Variants in ZNF335 observed in about 807,000 individuals in gnomAD.
The protein encoded by ZNF335 is NRC-interacting factor 1.
Under a neutral mutation model 145.6 loss-of-function variants are expected in ZNF335, and 84 were observed. The observed-to-expected ratio is 0.58, with a 90% confidence interval of 0.48 to 0.69. The LOEUF (loss-of-function observed/expected upper bound fraction) is 0.69, where lower values mean the gene tolerates loss of function less well. Ranked by LOEUF, ZNF335 falls within the 30% of genes least tolerant of loss-of-function variation. The pLI is 0.00. For missense variants in ZNF335, 1,865 were observed against 1,809.7 expected, an observed-to-expected ratio of 1.03 and a Z score of -0.55; for synonymous variants, 761 against 717.0, an observed-to-expected ratio of 1.06 and a Z score of -0.98.
intron 20 of ZNF335, among the ~76,000 whole-genome samples, chr20:45,951,253 G>A (rs958481785): frequency 4.6e-5 from 7 of 152,212 alleles, no homozygotes; most frequent in African/African-American, 7.2e-5. Context: ...TGTAGGGTGG[G>A]GCTCTAGGCC....
intron 15 of ZNF335, among the ~76,000 whole-genome samples, chr20:45,958,929 C>T (rs1268333061): frequency 1.3e-5 from 2 of 152,182 alleles, no homozygotes; most frequent in African/African-American, 2.4e-5. Flanking sequence ...ATAATCACCG[C>T]ACCAGCCCTA....
intron 17 of ZNF335, 30 bp from the exon 18 acceptor site, chr20:45,953,978 G>A (rs1205287596): frequency 1.3e-6 from 2 of 1,547,516 alleles, no homozygotes; most frequent in East Asian, 2.4e-5. Flanking sequence ...CGGGATGGGA[G>A]GCACTGGTGG....
chr20:45,954,823 A>G (rs987526401), intron 17 of ZNF335, among the ~76,000 whole-genome samples: 4 of 132,662 alleles, frequency 3.0e-5, no homozygotes, highest in African/African-American at 1.2e-4. Flanking sequence ...GCTGGAGTGC[A>G]GTGGTACGAT....
intron 15 of ZNF335, among the ~76,000 whole-genome samples, 177 bp from the exon 16 acceptor site, chr20:45,958,105 A>G (rs893601545): frequency 3.3e-5 from 5 of 151,638 alleles, no homozygotes; most frequent in Non-Finnish European, 5.9e-5. Flanking sequence ...CTGGAGTACA[A>G]TGGCTCAATC....
Position 45,960,401 on chromosome 20 carries a change from A to G in ZNF335, c.1860-33T>C, listed in dbSNP as rs765708664. 10 of 1,613,988 alleles carry G rather than the reference A, an allele frequency of 6.2e-6. No individual in the cohort carries two copies. The South Asian group carries it at 1.1e-4, about 18-fold the overall frequency. On this transcript the variant is annotated intron_variant, in intron 13 of 27. Transcript: ENST00000322927. ...CGGTTAGAGGGAGGGAAGCTCAGTA[A>G]TGAGCTGGGGACTGCTCCCGTCCCC...
intron 14 of ZNF335, among the ~76,000 whole-genome samples, chr20:45,959,949 C>G (rs2083803405): frequency 6.6e-6 from 1 of 152,200 alleles, no homozygotes; most frequent in African/African-American, 2.4e-5. Context: ...CTCTGATTCC[C>G]CCATTTCATA....
intron 4 of ZNF335, 90 bp downstream of exon 4, chr20:45,968,195 G>C: frequency 6.6e-7 from 1 of 1,523,266 alleles, no homozygotes; most frequent in South Asian, 1.2e-5. Flanking sequence ...TACCCAGCCA[G>C]GGCCACAGAC....
rs755620202 is a variant in ZNF335 at position 45,949,873 on chromosome 20, T to C, written c.3596A>G (p.Glu1199Gly). Residue 1199 changes from glutamate (E) to glycine (G), a missense_variant, in exon 24 of 28, where the codon GAA becomes GGA. Coordinates refer to ENST00000322927, the MANE Select transcript of ZNF335 (RefSeq NM_022095.4). The stretch of plus-strand genomic sequence containing the variant: ...GGTGATCTCTTGGATGTAGGCGGCT[T>C]CCTCCTGCCAGGACCAAGACAGCTC... ...AQEQTVTNQE[E>G]AAYIQEITTA... The C allele has an allele frequency of 6.2e-7, 1 of 1,614,080 alleles. No individual in the cohort carries two copies. Among genetic ancestry groups the C allele is most frequent in the Non-Finnish European group, 8.5e-7 (1 of 1,180,000 alleles).
rs1204162196 is a variant in ZNF335 at position 45,963,559 on chromosome 20, G to A, written c.1447C>T (p.His483Tyr). ...RFLSHEDLRF[H>Y]VNSHEAGDPQ... ...TCGCCAGCCTCATGGGAGTTGACGTGGAAGCGCAGGTCCTCGTGGGACAGA... is the reference window on the plus strand; with the variant it reads ...TCGCCAGCCTCATGGGAGTTGACGTAGAAGCGCAGGTCCTCGTGGGACAGA... The change falls in exon 9 of 28, where the codon CAC becomes TAC. Residue 483 changes from histidine (H) to tyrosine (Y), a missense_variant. Coordinates refer to ENST00000322927, the MANE Select transcript of ZNF335 (RefSeq NM_022095.4). The A allele has an allele frequency of 4.3e-6, 7 of 1,614,098 alleles. No homozygotes were observed. Among genetic ancestry groups the A allele is most frequent in the Non-Finnish European group, 5.9e-6 (7 of 1,180,046 alleles).
Position 45,965,631 on chromosome 20 carries a change from C to G in ZNF335, c.1099G>C (p.Asp367His). The change falls in exon 7 of 28, where the codon GAT becomes CAT. Residue 367 changes from aspartate (D) to histidine (H), a missense_variant. By Grantham distance (81) the Asp-to-His change is moderately conservative (BLOSUM62 -1). Transcript: ENST00000322927. The stretch of plus-strand genomic sequence containing the variant: ...CCCTCCCAAGACCAAGCCTCACCAT[C>G]TGGGAGGTCTGAGATCTCCAGGCGG... Reference protein sequence around the residue: ...LPRLEISDLPDGVEGEPLVSS... With the variant: ...LPRLEISDLPHGVEGEPLVSS... The G allele has an allele frequency of 6.3e-7, 1 of 1,596,752 alleles. No individual in the cohort carries two copies. Among genetic ancestry groups the G allele is most frequent in the East Asian group, 2.3e-5 (1 of 42,642 alleles).
intron 17 of ZNF335, among the ~76,000 whole-genome samples, chr20:45,955,350 CA>C (rs61555698): frequency 0.022 from 818 of 37,288 alleles, 27 homozygotes; most frequent in African/African-American, 0.088. Context: ...GACTCTGTCT[CA>C]AAAAAAAAAA....
Position 45,951,753 on chromosome 20 carries a change from C to G in ZNF335, c.3189+394G>C, listed in dbSNP as rs73911136. Reference sequence around the variant, plus strand: ...CCATGGATGACTACCAGTCTATGGCCCAGGGGTTGGGCACCCCTGTTCTAG... The same window carrying G: ...CCATGGATGACTACCAGTCTATGGCGCAGGGGTTGGGCACCCCTGTTCTAG... On this transcript the variant is annotated intron_variant, in intron 20 of 27. Coordinates refer to ENST00000322927, the MANE Select transcript of ZNF335 (RefSeq NM_022095.4). Among the ~76,000 whole-genome samples, 1,179 of 152,290 alleles carry G rather than the reference C, an allele frequency of 7.7e-3. 18 individuals are homozygous for G. Among genetic ancestry groups the G allele is most frequent in the African/African-American group, 0.026 (1,099 of 41,556 alleles).
rs1307759818 is a variant in ZNF335 at position 45,948,735 on chromosome 20, C to T, written c.*218G>A. ...CACCCAAACAAAAATAAATTTCTCTCCCAAAGCCTGCCTGCAGGCTGGGGC... is the reference window on the plus strand; with the variant it reads ...CACCCAAACAAAAATAAATTTCTCTTCCAAAGCCTGCCTGCAGGCTGGGGC... On this transcript the variant is annotated 3_prime_UTR_variant, in exon 28 of 28. Transcript: ENST00000322927. 1.3e-5 allele frequency: 8 copies of T among 629,588 alleles called. No homozygotes were observed. Among genetic ancestry groups the T allele is most frequent in the African/African-American group, 1.8e-5 (1 of 54,424 alleles). The allele number at this position is 629,588 out of a possible 1,614,324, so 39.0% of individuals were successfully genotyped here.
chr20:45,968,065 G>A, intron 4 of ZNF335, 38 bp from the exon 5 acceptor site: 16 of 1,610,988 alleles, frequency 9.9e-6, no homozygotes, highest in Non-Finnish European at 1.4e-5. Flanking sequence ...TGGTTAAATG[G>A]AGGGCAGCAC....
Position 45,960,883 on chromosome 20 carries a change from C to T in ZNF335, c.1647-1G>A. 3 of 1,613,744 alleles carry T rather than the reference C, an allele frequency of 1.9e-6. No individual in the cohort carries two copies. The highest frequency in any genetic ancestry group is 2.5e-6 in the Non-Finnish European group (3 of 1,179,884). On this transcript the variant is annotated splice_acceptor_variant, in intron 10 of 27. Coordinates refer to ENST00000322927, the MANE Select transcript of ZNF335 (RefSeq NM_022095.4). LOFTEE classifies it high-confidence loss of function. ...ACTCACCGGATCTGGCCTCTTCTTC[C>T]TGTGGGGAAAAGGCCGAGGAATTAG...
Position 45,957,594 on chromosome 20 carries a change from C to G in ZNF335, c.2434G>C (p.Ala812Pro), listed in dbSNP as rs370484213. Residue 812 changes from alanine (A) to proline (P), a missense_variant, in exon 17 of 28, where the codon GCC becomes CCC. Physicochemically the swap from Ala to Pro is conservative, Grantham distance 27. Coordinates refer to ENST00000322927, the MANE Select transcript of ZNF335 (RefSeq NM_022095.4). ...GTTCCCAGGCAGCTCACCTGCAGGG[C>G]TGTGCCCCCCAGTTCCCGCTGAGCA... is the stretch of plus-strand genomic sequence containing the variant. ...MSAQRELGGT[A>P]LQVAVVKSED... 7.6e-5 allele frequency: 123 copies of G among 1,613,950 alleles called. No individual in the cohort carries two copies. Among genetic ancestry groups the G allele is most frequent in the Non-Finnish European group, 9.9e-5 (117 of 1,179,986 alleles).
In ZNF335 at chr20:45,967,849, C is replaced by T. The variant is rs1222657899; in HGVS notation, c.699G>A (p.Leu233=). Residue 233 remains leucine, a synonymous_variant, in exon 5 of 28, where the codon CTG becomes CTA. Transcript: ENST00000322927. Reference sequence around the variant, plus strand: ...CCACCACCACCTCCATCATGGCCTCCAGGCTCTGCAGGTCCGGCTCTTCGG... The same window carrying T: ...CCACCACCACCTCCATCATGGCCTCTAGGCTCTGCAGGTCCGGCTCTTCGG... ...SGAEEPDLQS[L]EAMMEVVVVQ... The T allele has an allele frequency of 1.2e-6, 2 of 1,613,354 alleles. No homozygotes were observed. Among genetic ancestry groups the T allele is most frequent in the African/African-American group, 1.3e-5 (1 of 74,930 alleles).
At chr20:45,956,770 C>A (rs2083736607) in intron 17 of ZNF335, among the ~76,000 whole-genome samples, 1 of 151,652 alleles carries the variant, frequency 6.6e-6, no homozygotes, top group Non-Finnish European at 1.5e-5. Flanking sequence ...GAAATAAATT[C>A]CAGGTGGAGT....
chr20:45,954,029 TC>T, intron 17 of ZNF335, 81 bp from the exon 18 acceptor site: 1 of 1,471,056 alleles, frequency 6.8e-7, no homozygotes. Context: ...CATCTCAGTG[TC>T]CCAGATGCAC....
Sources: gnomAD v4.1 joint callset for allele counts (sites outside exome capture counted in the v4.1 genomes callset) on GRCh38, gnomAD v4.1.1 for gene constraint, MANE v1.5 for transcripts, NCBI Gene and HGNC (gene_info 2026-07-23, HGNC 2026-07-21) for gene names.